The following KHDRBS2 variants were observed in gnomAD, a reference collection of about 807,000 sequenced individuals.
KHDRBS2 encodes KH RNA binding domain containing, signal transduction associated 2.
A neutral mutation model predicts 44.3 loss-of-function variants in KHDRBS2; 26 were observed. The ratio of observed to expected loss-of-function variants is 0.59; its 90% CI spans 0.43 to 0.81. KHDRBS2 has a LOEUF of 0.81. Among genes scored for constraint, KHDRBS2 ranks in the 40% least tolerant of loss-of-function variants. The pLI is 0.00. For synonymous variants in KHDRBS2, 194 were observed against 151.1 expected (o/e 1.28, Z -2.08); for missense variants, 476 against 433.1 (o/e 1.10, Z -0.88).
the KHDRBS2 span, among the ~76,000 whole-genome samples, chr6:61,650,935 T>G: frequency 1.3e-5 from 2 of 152,122 alleles, no homozygotes; most frequent in South Asian, 4.1e-4. Flanking sequence ...TTTACATTTC[T>G]GAGGCATCTC....
rs1337512539 is a variant in KHDRBS2, at chr6:61,806,075, C to A, written c.811-73311G>T. Among the ~76,000 whole-genome samples the A allele has an allele frequency of 2.0e-5, 3 of 152,288 alleles. 1 individual carries two copies. The highest frequency in any genetic ancestry group is 1.3e-4 in the Admixed American group (2 of 15,290). On this transcript the variant is annotated intron_variant, in intron 6 of 8. Transcript: ENST00000281156. ...AAATTTTATTTTCCAAAGATATTTA[C>A]AACAATATTTCATATCCAACTCATT...
intron 7 of KHDRBS2, among the ~76,000 whole-genome samples, chr6:61,721,443 C>T: frequency 6.7e-6 from 1 of 149,448 alleles, no homozygotes; most frequent in Non-Finnish European, 1.5e-5. Context: ...TTTGTATCCT[C>T]TTTTATTTCC....
At chr6:61,635,505 G>A in the KHDRBS2 span, among the ~76,000 whole-genome samples, 24 of 152,090 alleles carry the variant, frequency 1.6e-4, no homozygotes, top group African/African-American at 5.8e-4. Context: ...TGCACATTTA[G>A]GGGCTTCTCA....
chr6:61,618,982 A>G, the KHDRBS2 span, among the ~76,000 whole-genome samples: 2 of 152,116 alleles, frequency 1.3e-5, no homozygotes, highest in East Asian at 1.9e-4. Context: ...GTCTATTTTG[A>G]GTTATGGTAT....
intron 6 of KHDRBS2, among the ~76,000 whole-genome samples, chr6:61,881,658 T>A (rs1292674705): frequency 2.6e-5 from 4 of 151,984 alleles, no homozygotes; most frequent in African/African-American, 9.7e-5. Flanking sequence ...AGGACTTCAA[T>A]AAGGAATCCT....
intron 2 of KHDRBS2, among the ~76,000 whole-genome samples, chr6:62,116,485 A>G (rs1172167077): frequency 6.6e-6 from 1 of 152,140 alleles, no homozygotes; most frequent in African/African-American, 2.4e-5. Context: ...TGTAACTGAT[A>G]CATAACAATT....
the KHDRBS2 span, chr6:61,652,131 T>C: frequency 6.6e-6 from 1 of 152,138 alleles, no homozygotes; most frequent in East Asian, 1.9e-4. Context: ...AATTCTCTCC[T>C]CTCTATGCTT....
At chr6:62,008,396 T>C (rs901904063) in intron 3 of KHDRBS2, among the ~76,000 whole-genome samples, 2 of 152,180 alleles carry the variant, frequency 1.3e-5, no homozygotes, top group African/African-American at 4.8e-5. Flanking sequence ...AAATGTCTCA[T>C]TGAAATTTTG....
intron 6 of KHDRBS2, among the ~76,000 whole-genome samples, chr6:61,858,673 G>A (rs1386580902): frequency 6.6e-6 from 1 of 151,770 alleles, no homozygotes; most frequent in Non-Finnish European, 1.5e-5. Context: ...AACTTTTACT[G>A]AAGTCTATAA....
the KHDRBS2 span, among the ~76,000 whole-genome samples, chr6:61,570,414 G>C: frequency 6.6e-6 from 1 of 151,808 alleles, no homozygotes; most frequent in Admixed American, 6.6e-5. Context: ...AGAAATTTTG[G>C]ATTATGTTAA....
rs181674773 is a variant in KHDRBS2, at chr6:61,995,500, T to C, written c.337-17288A>G. ...AGAAGAAGGAACATCAAGAATGTAA[T>C]CTCACCTGCCTGTTTGCTTTGGGAA... On this transcript the variant is annotated intron_variant, in intron 3 of 8. Coordinates refer to ENST00000281156, the MANE Select transcript of KHDRBS2 (RefSeq NM_152688.4). 2.3e-3 allele frequency among the ~76,000 whole-genome samples: 343 copies of C among 152,282 alleles called. 1 individual carries two copies. Among genetic ancestry groups the C allele is most frequent in the African/African-American group, 8.0e-3 (333 of 41,548 alleles).
intron 6 of KHDRBS2, among the ~76,000 whole-genome samples, chr6:61,869,077 G>C (rs141770027): frequency 6.6e-6 from 1 of 152,082 alleles, no homozygotes; most frequent in East Asian, 1.9e-4. Context: ...CCTTGGCTGG[G>C]GAGGGGGGTT....
At chr6:62,051,071 T>C (rs1241657090) in intron 2 of KHDRBS2, among the ~76,000 whole-genome samples, 3 of 152,092 alleles carry the variant, frequency 2.0e-5, no homozygotes, top group Admixed American at 6.6e-5. Flanking sequence ...TATATGGTGT[T>C]AGACTTCATA....
In KHDRBS2 at chr6:61,721,786, A is replaced by G. The variant is rs550949051; in HGVS notation, c.893+10896T>C. On this transcript the variant is annotated intron_variant, in intron 7 of 8. Coordinates refer to ENST00000281156, the MANE Select transcript of KHDRBS2 (RefSeq NM_152688.4). The stretch of plus-strand genomic sequence containing the variant: ...TACCTTTTATTTCCTTCTCCTGCCT[A>G]ATTGCCCTGGCCAGAACTTCCAACA... 4.7e-3 allele frequency among the ~76,000 whole-genome samples: 435 copies of G among 93,130 alleles called. 34 individuals are homozygous for G. Among genetic ancestry groups the G allele is most frequent in the Non-Finnish European group, 5.8e-3 (251 of 43,304 alleles). 61.1% of individuals were successfully genotyped at this position (93,130 alleles called of 152,430 possible). A position where few individuals can be genotyped will look rare whatever the true frequency, so the allele number is the denominator to read the frequency against.
chr6:62,141,656 G>C (rs1211467243), intron 2 of KHDRBS2, among the ~76,000 whole-genome samples: 1 of 151,808 alleles, frequency 6.6e-6, no homozygotes, highest in South Asian at 2.1e-4. Flanking sequence ...TTTTATAGTC[G>C]GTCTTGATAT....
intron 1 of KHDRBS2, among the ~76,000 whole-genome samples, chr6:62,209,598 C>A (rs1828665851): frequency 1.3e-5 from 2 of 152,134 alleles, no homozygotes; most frequent in African/African-American, 4.8e-5. Context: ...ATATTGAAGG[C>A]TGCAAAGTAT....
intron 5 of KHDRBS2, among the ~76,000 whole-genome samples, chr6:61,898,257 T>A (rs968655728): frequency 1.3e-5 from 2 of 151,972 alleles, no homozygotes; most frequent in African/African-American, 4.8e-5. Flanking sequence ...TTCTATTTTG[T>A]AAAGCTATTT....
intron 6 of KHDRBS2, among the ~76,000 whole-genome samples, chr6:61,774,593 C>A (rs146629116): frequency 6.6e-6 from 1 of 151,720 alleles, no homozygotes; most frequent in African/African-American, 2.4e-5. Context: ...TTACAAGGGA[C>A]GAGAAGTTGA....
chr6:62,089,310 C>T (rs1799048624), intron 2 of KHDRBS2, among the ~76,000 whole-genome samples: 1 of 149,800 alleles, frequency 6.7e-6, no homozygotes, highest in Admixed American at 6.6e-5. Flanking sequence ...AGCTCTGTGT[C>T]TGCCCAAATG....
Sources: allele counts gnomAD v4.1 joint callset (sites outside exome capture counted in the v4.1 genomes callset), GRCh38; gene constraint gnomAD v4.1.1; transcripts MANE v1.5; gene names NCBI Gene and HGNC (gene_info 2026-07-23, HGNC 2026-07-21).